UBOX5: variants seen among roughly 807,000 people sequenced by gnomAD.
The protein encoded by UBOX5 is U-box domain containing 5.
UBOX5 carries 28 observed loss-of-function variants against 39.0 expected under a neutral mutation model. The observed-to-expected ratio is 0.72, with a 90% confidence interval of 0.53 to 0.98. The LOEUF is 0.98. Ranked by LOEUF, UBOX5 falls within the 50% of genes least tolerant of loss-of-function variation. The pLI is 0.00. For missense variants in UBOX5, 585 were observed against 674.4 expected, an observed-to-expected ratio of 0.87 and a Z score of 1.47; for synonymous variants, 283 against 275.5, an observed-to-expected ratio of 1.03 and a Z score of -0.27.
chr20:3,133,816 G>A (rs919528777), intron 1 of UBOX5, among the ~76,000 whole-genome samples: 6 of 151,376 alleles, frequency 4.0e-5, no homozygotes, highest in African/African-American at 7.3e-5. Flanking sequence ...GTGCAATCTC[G>A]GCTCACTGCA....
intron 1 of UBOX5, among the ~76,000 whole-genome samples, chr20:3,155,345 C>T (rs113871277): frequency 0.043 from 6,527 of 152,240 alleles, 427 homozygotes; most frequent in African/African-American, 0.14. Context: ...GCCTGGCCAA[C>T]GTGGCGAAAC....
In UBOX5 at chr20:3,149,189, C is replaced by G; in HGVS notation, c.-42+10577G>C. On this transcript the variant is annotated intron_variant, in intron 1 of 4. Coordinates refer to ENST00000217173, the MANE Select transcript of UBOX5 (RefSeq NM_014948.4). This position sits in a 1 kb window ranked among gnomAD's most constrained non-coding sequence, Gnocchi z 4.1. Reference sequence around the variant, plus strand: ...TGGACGGGGAGGTGTTCCACAAAAACTGCCTGGAAATCTTCAGCATATCAC... The same window carrying G: ...TGGACGGGGAGGTGTTCCACAAAAAGTGCCTGGAAATCTTCAGCATATCAC... 8.9e-7 allele frequency: 1 copy of G among 1,129,226 alleles called. No individual in the cohort carries two copies. 70.0% of individuals were successfully genotyped at this position (1,129,226 alleles called of 1,614,324 possible).
intron 1 of UBOX5, among the ~76,000 whole-genome samples, chr20:3,133,865 AC>A (rs1179875762): frequency 1.3e-5 from 2 of 150,878 alleles, no homozygotes; most frequent in Admixed American, 6.6e-5. Context: ...GTATTCTCCT[AC>A]CTCTGCCTCC....
At chr20:3,115,990 C>T (rs534265404) in intron 3 of UBOX5, among the ~76,000 whole-genome samples, 2 of 152,152 alleles carry the variant, frequency 1.3e-5, no homozygotes, top group South Asian at 2.1e-4. Context: ...CTCCTGACCT[C>T]GTGATCCACC....
At chr20:3,113,899 C>T (rs1463612400) in intron 4 of UBOX5, among the ~76,000 whole-genome samples, 5 of 151,998 alleles carry the variant, frequency 3.3e-5, no homozygotes, top group Admixed American at 2.0e-4. Flanking sequence ...TTTGGGAGGC[C>T]GAGGCAGATG....
intron 4 of UBOX5, 27 bp downstream of exon 4, chr20:3,115,278 C>T: frequency 6.3e-7 from 1 of 1,599,432 alleles, no homozygotes; most frequent in Non-Finnish European, 8.5e-7. Flanking sequence ...TTCCAAGGCT[C>T]CAAGGAGATG....
chr20:3,121,297 C>T (rs2066333226), intron 3 of UBOX5, 87 bp downstream of exon 3: 1 of 1,518,670 alleles, frequency 6.6e-7, no homozygotes. Flanking sequence ...TGTAAGCTGG[C>T]CAAGCACAAA....
At chr20:3,159,164 G>A (rs1030230850) in intron 1 of UBOX5, among the ~76,000 whole-genome samples, 1 of 152,180 alleles carries the variant, frequency 6.6e-6, no homozygotes, top group African/African-American at 2.4e-5. Flanking sequence ...AAAGGGAGAA[G>A]GCCATCAATA....
At chr20:3,138,144 A>G (rs375019856) in intron 1 of UBOX5, among the ~76,000 whole-genome samples, 2 of 152,088 alleles carry the variant, frequency 1.3e-5, no homozygotes, top group African/African-American at 4.8e-5. Flanking sequence ...ATGGTGGCGC[A>G]TGCCTGTAGT....
chr20:3,133,765 GA>G (rs1212543136), intron 1 of UBOX5, among the ~76,000 whole-genome samples: 1 of 148,968 alleles, frequency 6.7e-6, no homozygotes, highest in African/African-American at 2.5e-5. Context: ...TTGGGGGGGG[GA>G]AACAGGCTCT....
At chr20:3,148,457 T>A in intron 1 of UBOX5, 1 of 1,614,104 alleles carries the variant, frequency 6.2e-7, no homozygotes, top group Non-Finnish European at 8.5e-7. Context: ...ATTGATCAGA[T>A]CTTGGGTATC....
chr20:3,147,466 A>T (rs771821266), intron 1 of UBOX5: 8 of 1,614,084 alleles, frequency 5.0e-6, no homozygotes, highest in Non-Finnish European at 6.8e-6. Context: ...GCTGAAGGTG[A>T]GTACTAAGAC....
At chr20:3,115,537 G>A in intron 3 of UBOX5, 71 bp from the exon 4 acceptor site, 4 of 1,485,940 alleles carry the variant, frequency 2.7e-6, no homozygotes, top group Non-Finnish European at 3.6e-6. Flanking sequence ...CAAGTCCTTC[G>A]AGGGCTGTAA....
chr20:3,129,673 T>C (rs1315598880), intron 1 of UBOX5, among the ~76,000 whole-genome samples: 3 of 152,196 alleles, frequency 2.0e-5, no homozygotes, highest in African/African-American at 4.8e-5. Flanking sequence ...AAAATGATCA[T>C]TGTCTGTTCT....
rs577619303 is a variant in UBOX5, at chr20:3,152,756, A to C, written c.-42+7010T>G. 6.7e-4 allele frequency among the ~76,000 whole-genome samples: 101 copies of C among 151,500 alleles called. 1 individual carries two copies. The highest frequency in any genetic ancestry group is 6.3e-3 in the Admixed American group (95 of 15,160). On this transcript the variant is annotated intron_variant, in intron 1 of 4. Transcript: ENST00000217173. ...AACGCCATCTCTACTAAAAATACAA[A>C]AATTAGCTGGGCGTGGTAGTGCGCC... is the stretch of plus-strand genomic sequence containing the variant.
In UBOX5 at chr20:3,121,513, T is replaced by G. The variant is rs749055052; in HGVS notation, c.1126A>C (p.Asn376His). The change falls in exon 3 of 5, where the codon AAC (asparagine) becomes CAC (histidine). Residue 376 changes from asparagine (N) to histidine (H), a missense_variant. Physicochemically the swap from Asn to His is moderately conservative, Grantham distance 68. Coordinates refer to ENST00000217173, the MANE Select transcript of UBOX5 (RefSeq NM_014948.4). The part of the protein sequence containing the change: ...IEQAEHVPDS[N>H]FGVNASCFSA... ...AAACAGGAAGCATTTACACCAAAGT[T>G]ACTGTCTGGGACATGTTCAGCCTGC... 5.0e-6 allele frequency: 8 copies of G among 1,613,876 alleles called. No individual in the cohort carries two copies. The highest frequency in any genetic ancestry group is 5.9e-6 in the Non-Finnish European group (7 of 1,179,976).
chr20:3,121,255 GGAA>G (rs1425274875), intron 3 of UBOX5, 126 bp downstream of exon 3: 6 of 1,378,966 alleles, frequency 4.4e-6, no homozygotes, highest in Non-Finnish European at 4.9e-6. Flanking sequence ...ATGGGAAACG[GGAA>G]GGAGGCAGCA....
intron 1 of UBOX5, among the ~76,000 whole-genome samples, chr20:3,133,641 C>T (rs146805402): frequency 3.9e-5 from 6 of 152,100 alleles, no homozygotes; most frequent in Non-Finnish European, 8.8e-5. Context: ...GCTATGTTTG[C>T]TTCTGATTTC....
intron 3 of UBOX5, 140 bp downstream of exon 3, chr20:3,121,244 G>A (rs2066332796): frequency 6.9e-6 from 9 of 1,298,968 alleles, no homozygotes; most frequent in Non-Finnish European, 9.4e-6. Flanking sequence ...GGGGCCCCAG[G>A]ATGGGAAACG....
Sources: allele counts gnomAD v4.1 joint callset (sites outside exome capture counted in the v4.1 genomes callset), GRCh38; gene constraint gnomAD v4.1.1; non-coding constraint Gnocchi (gnomAD v3.1); transcripts MANE v1.5; gene names NCBI Gene and HGNC (gene_info 2026-07-23, HGNC 2026-07-21).